Variants in KHDRBS2 observed in about 807,000 individuals in gnomAD.
The protein encoded by KHDRBS2 is KH RNA binding domain containing, signal transduction associated 2.
Under a neutral mutation model 44.3 loss-of-function variants are expected in KHDRBS2, and 26 were observed. That is an observed-to-expected ratio of 0.59 (90% CI 0.43 to 0.81). KHDRBS2 has a LOEUF of 0.81. Ranked by LOEUF, KHDRBS2 falls within the 40% of genes least tolerant of loss-of-function variation. The probability of loss-of-function intolerance (pLI) is 0.00; values close to 1 mark genes in which losing one functional copy is unlikely to be tolerated. For missense variants in KHDRBS2, 476 were observed against 433.1 expected, an observed-to-expected ratio of 1.10 and a Z score of -0.88; for synonymous variants, 194 against 151.1, an observed-to-expected ratio of 1.28 and a Z score of -2.08.
Position 61,898,379 on chromosome 6 carries a change from T to C in KHDRBS2, c.611+2865A>G, listed in dbSNP as rs1180062420. Among the ~76,000 whole-genome samples the C allele has an allele frequency of 3.3e-5, 5 of 152,158 alleles. No homozygotes were observed. In the East Asian group the frequency reaches 7.7e-4, roughly 23 times the overall value. The stretch of plus-strand genomic sequence containing the variant: ...CGATACAGTTGTAAATGTCTTTACA[T>C]GTAATACATTTAATGTTTTATTGTA... On this transcript the variant is annotated intron_variant, in intron 5 of 8. Coordinates refer to ENST00000281156, the MANE Select transcript of KHDRBS2 (RefSeq NM_152688.4).
At chr6:62,070,096 T>G (rs999777187) in intron 2 of KHDRBS2, among the ~76,000 whole-genome samples, 1 of 151,784 alleles carries the variant, frequency 6.6e-6, no homozygotes, top group African/African-American at 2.4e-5. Flanking sequence ...TTAATTACTA[T>G]GGTATATTAC....
rs535615179 is a variant in KHDRBS2, at chr6:62,248,034, T to C, written c.91+37824A>G. Reference sequence around the variant, plus strand: ...CCTCTAAATTATTTTTAGATAAGTTTGCTAAACAGGAAATGTTACCCATAA... The same window carrying C: ...CCTCTAAATTATTTTTAGATAAGTTCGCTAAACAGGAAATGTTACCCATAA... On this transcript the variant is annotated intron_variant, in intron 1 of 8. Transcript: ENST00000281156. Among the ~76,000 whole-genome samples, 225 of 152,238 alleles carry C rather than the reference T, an allele frequency of 1.5e-3. 2 individuals are homozygous for C. The highest frequency in any genetic ancestry group is 2.7e-3 in the Non-Finnish European group (185 of 67,998).
chr6:61,974,186 T>C (rs1772009024), intron 4 of KHDRBS2, among the ~76,000 whole-genome samples: 1 of 152,156 alleles, frequency 6.6e-6, no homozygotes, highest in East Asian at 1.9e-4. Context: ...TGTTATCATT[T>C]TGAAGTAACA....
At chr6:61,638,844 C>G in the KHDRBS2 span, among the ~76,000 whole-genome samples, 1 of 152,048 alleles carries the variant, frequency 6.6e-6, no homozygotes, top group Non-Finnish European at 1.5e-5. Flanking sequence ...ATGTATCTAT[C>G]TTTAATAGAG....
At chr6:61,872,429 G>A (rs537997894) in intron 6 of KHDRBS2, among the ~76,000 whole-genome samples, 16 of 152,060 alleles carry the variant, frequency 1.1e-4, no homozygotes, top group Non-Finnish European at 2.2e-4. Context: ...AATATTTCTG[G>A]ATATGACATG....
intron 2 of KHDRBS2, among the ~76,000 whole-genome samples, chr6:62,135,970 AG>A (rs1484568961): frequency 6.6e-6 from 1 of 152,084 alleles, no homozygotes; most frequent in Non-Finnish European, 1.5e-5. Context: ...ATAAATTTAG[AG>A]ATCTAAGGTA....
At chr6:61,658,155 G>C in the KHDRBS2 span, among the ~76,000 whole-genome samples, 4 of 151,882 alleles carry the variant, frequency 2.6e-5, no homozygotes, top group Non-Finnish European at 4.4e-5. Context: ...GCATTTATTA[G>C]CTGTGATTAG....
At chr6:62,060,331 A>G (rs1422867189) in intron 2 of KHDRBS2, among the ~76,000 whole-genome samples, 1 of 151,734 alleles carries the variant, frequency 6.6e-6, no homozygotes, top group African/African-American at 2.4e-5. Context: ...ATTAACATTT[A>G]CATTTAACGC....
chr6:62,024,754 A>G (rs1782986930), intron 3 of KHDRBS2, among the ~76,000 whole-genome samples: 1 of 151,424 alleles, frequency 6.6e-6, no homozygotes, highest in Non-Finnish European at 1.5e-5. Flanking sequence ...TTGACCTTTT[A>G]TTTTTTCATC....
At chr6:62,066,273 A>C (rs1211026428) in intron 2 of KHDRBS2, among the ~76,000 whole-genome samples, 1 of 151,738 alleles carries the variant, frequency 6.6e-6, no homozygotes, top group Non-Finnish European at 1.5e-5. Flanking sequence ...AGTTCATAAA[A>C]TCATCTGTAG....
intron 4 of KHDRBS2, among the ~76,000 whole-genome samples, chr6:61,902,210 A>G (rs540224413): frequency 6.6e-6 from 1 of 152,196 alleles, no homozygotes; most frequent in Non-Finnish European, 1.5e-5. Flanking sequence ...GGGCCTCCCA[A>G]AGTGCTGGGA....
chr6:62,058,711 C>CA (rs1375095219), intron 2 of KHDRBS2, among the ~76,000 whole-genome samples: 2 of 151,580 alleles, frequency 1.3e-5, no homozygotes, highest in African/African-American at 2.4e-5. Context: ...TATTCTATTG[C>CA]AAAAATATCA....
chr6:61,784,356 G>A (rs1783463457), intron 6 of KHDRBS2, among the ~76,000 whole-genome samples: 2 of 151,816 alleles, frequency 1.3e-5, no homozygotes, highest in East Asian at 1.9e-4. Flanking sequence ...GGTGCACTTT[G>A]TAATTCAATA....
intron 2 of KHDRBS2, among the ~76,000 whole-genome samples, chr6:62,146,444 AGCTACTTTATACATGGATT>A (rs1335901463): frequency 6.6e-6 from 1 of 150,638 alleles, no homozygotes; most frequent in Non-Finnish European, 1.5e-5. Flanking sequence ...ATTTTTAAGT[AGCTACTTTATACATGGATT>A]TTAAAAGAAA....
rs547103998 is a variant in KHDRBS2 at position 61,693,291 on chromosome 6, C to T, written c.952+3904G>A. On this transcript the variant is annotated intron_variant, in intron 8 of 8. Coordinates refer to ENST00000281156, the MANE Select transcript of KHDRBS2 (RefSeq NM_152688.4). The stretch of plus-strand genomic sequence containing the variant: ...GCAACTTATCACCAACTACCTAATA[C>T]CTAATATCCTACTACATGATATCTA... Among the ~76,000 whole-genome samples the T allele has an allele frequency of 2.0e-5, 3 of 152,120 alleles. No homozygotes were observed. The South Asian group carries it at 6.2e-4, about 32-fold the overall frequency.
intron 4 of KHDRBS2, among the ~76,000 whole-genome samples, chr6:61,902,112 C>A (rs915152816): frequency 6.6e-6 from 1 of 152,104 alleles, no homozygotes; most frequent in African/African-American, 2.4e-5. Flanking sequence ...CACCACCATG[C>A]CCGGCTAATT....
chr6:62,053,025 G>A (rs765464296), intron 2 of KHDRBS2, among the ~76,000 whole-genome samples: 3 of 152,034 alleles, frequency 2.0e-5, no homozygotes, highest in Non-Finnish European at 4.4e-5. Context: ...GGGTAACTGC[G>A]AGATGATGGA....
chr6:62,118,855 C>T (rs1467932412), intron 2 of KHDRBS2, among the ~76,000 whole-genome samples: 1 of 152,180 alleles, frequency 6.6e-6, no homozygotes, highest in African/African-American at 2.4e-5. Flanking sequence ...CAGCCACAGA[C>T]TGAAGGCTGA....
At chr6:62,159,274 T>A (rs1817106628) in intron 2 of KHDRBS2, among the ~76,000 whole-genome samples, 1 of 152,178 alleles carries the variant, frequency 6.6e-6, no homozygotes. Context: ...AGTAACCGAT[T>A]AGCTAGGCAT....
Sources: allele counts gnomAD v4.1 joint callset (sites outside exome capture counted in the v4.1 genomes callset), GRCh38; gene constraint gnomAD v4.1.1; transcripts MANE v1.5; gene names NCBI Gene and HGNC (gene_info 2026-07-23, HGNC 2026-07-21).